CFAP97: variants seen among roughly 807,000 people sequenced by gnomAD.
The protein encoded by CFAP97 is cilia- and flagella-associated protein 97.
A neutral mutation model predicts 43.1 loss-of-function variants in CFAP97; 36 were observed. The ratio of observed to expected loss-of-function variants is 0.84; its 90% CI spans 0.64 to 1.10. CFAP97 has a LOEUF of 1.10. Ranked by LOEUF, CFAP97 falls within the 50% of genes least tolerant of loss-of-function variation. The pLI, the probability that CFAP97 is intolerant of heterozygous loss-of-function variation, is 0.00. For missense variants in CFAP97, 657 were observed against 620.3 expected (o/e 1.06, Z -0.63); for synonymous variants, 228 against 225.7 (o/e 1.01, Z -0.09).
chr4:185,171,134 ATTTG>A (rs1413118180), intron 3 of CFAP97, among the ~76,000 whole-genome samples: 5 of 151,936 alleles, frequency 3.3e-5, no homozygotes, highest in African/African-American at 7.2e-5. Flanking sequence ...TACATTATTT[ATTTG>A]TTTGTTTCAA....
intron 1 of CFAP97, among the ~76,000 whole-genome samples, chr4:185,194,678 C>T (rs1043014357): frequency 1.3e-5 from 2 of 152,302 alleles, no homozygotes; most frequent in Admixed American, 1.3e-4. Flanking sequence ...CAGGTGCATA[C>T]CACTGTGCCC....
chr4:185,183,084 A>C (rs1287656500), intron 2 of CFAP97, among the ~76,000 whole-genome samples: 1 of 151,804 alleles, frequency 6.6e-6, no homozygotes, highest in African/African-American at 2.4e-5. Flanking sequence ...TGGGTGACAG[A>C]GCAAGACTCC....
At chr4:185,207,475 C>T (rs1004888888), upstream of CFAP97, among the ~76,000 whole-genome samples, 17 of 152,230 alleles carry the variant, frequency 1.1e-4, no homozygotes, top group Admixed American at 1.1e-3. Flanking sequence ...ACCTCGGCTT[C>T]CCAAAGTGCT....
Position 185,160,074 on chromosome 4 carries a change from G to A in CFAP97, c.*2724C>T, listed in dbSNP as rs1383554204. On this transcript the variant is annotated 3_prime_UTR_variant, in exon 5 of 5. Transcript: ENST00000458385. ...CTGTGGACACTCAGGTTAGCGGAGA[G>A]AAAACAACTGCATTACACTACATTT... 1 of 147,444 alleles carries A rather than the reference G, an allele frequency of 6.8e-6. No individual in the cohort carries two copies. Among genetic ancestry groups the A allele is most frequent in the Non-Finnish European group, 1.5e-5 (1 of 66,884 alleles). 9.1% of individuals were successfully genotyped at this position (147,444 alleles called of 1,614,324 possible).
intron 1 of CFAP97, among the ~76,000 whole-genome samples, chr4:185,202,692 G>C (rs1736928821): frequency 6.6e-6 from 1 of 151,958 alleles, no homozygotes; most frequent in African/African-American, 2.4e-5. Context: ...CAGTCCCCAA[G>C]AGCTGGAAGC....
chr4:185,166,521 A>G (rs1735079623), intron 3 of CFAP97, among the ~76,000 whole-genome samples: 3 of 152,212 alleles, frequency 2.0e-5, no homozygotes, highest in African/African-American at 7.2e-5. Context: ...TCCTAAGTTT[A>G]TTTATTTGGT....
intron 3 of CFAP97, among the ~76,000 whole-genome samples, chr4:185,167,840 CA>C (rs36073551): frequency 0.46 from 69,425 of 150,236 alleles, 16,004 homozygotes; most frequent in Middle Eastern, 0.56. Flanking sequence ...ACTAAAAATA[CA>C]AAAAAAAATT....
intron 2 of CFAP97, among the ~76,000 whole-genome samples, chr4:185,184,267 T>G (rs1420978547): frequency 6.6e-6 from 1 of 152,196 alleles, no homozygotes; most frequent in Admixed American, 6.5e-5. Context: ...AGAAGCTCTC[T>G]TGGACAAAGT....
chr4:185,166,327 G>A (rs72704007), intron 3 of CFAP97, among the ~76,000 whole-genome samples: 6,067 of 152,156 alleles, frequency 0.04, 197 homozygotes, highest in East Asian at 0.15. Context: ...GGAACTTCCT[G>A]GGGCCACATC....
At chr4:185,164,272 T>TA in intron 3 of CFAP97, 93 bp from the exon 4 acceptor site, 1 of 1,203,818 alleles carries the variant, frequency 8.3e-7, no homozygotes, top group Non-Finnish European at 1.1e-6. Flanking sequence ...TCACTTTCTT[T>TA]CTTTTTTTTT....
At chr4:185,185,657 G>C (rs539887138) in intron 2 of CFAP97, among the ~76,000 whole-genome samples, 1 of 93,674 alleles carries the variant, frequency 1.1e-5, no homozygotes, top group South Asian at 3.5e-4. Context: ...TTTTTTTTGA[G>C]ACAGGGTCTT....
intron 1 of CFAP97, among the ~76,000 whole-genome samples, chr4:185,194,857 T>G (rs1229082788): frequency 6.6e-6 from 1 of 152,226 alleles, no homozygotes. Flanking sequence ...AACCCCATTA[T>G]AGTTCCATTA....
chr4:185,209,937 C>A, upstream of CFAP97: 1 of 983,604 alleles, frequency 1.0e-6, no homozygotes, highest in Non-Finnish European at 1.2e-6. This position sits in a 1 kb window ranked among gnomAD's most constrained non-coding sequence, Gnocchi z 5.2. Context: ...GGCCGGAGTC[C>A]CCGGGGGACG....
At chr4:185,177,976 T>C (rs1302001055) in intron 2 of CFAP97, among the ~76,000 whole-genome samples, 1 of 152,038 alleles carries the variant, frequency 6.6e-6, no homozygotes, top group Non-Finnish European at 1.5e-5. Flanking sequence ...TTACAGAAAA[T>C]TTTAAAAAAT....
chr4:185,194,794 G>A (rs567753186), intron 1 of CFAP97, among the ~76,000 whole-genome samples: 3 of 152,334 alleles, frequency 2.0e-5, no homozygotes, highest in South Asian at 2.1e-4. Flanking sequence ...AGCAAAACTA[G>A]GGGAGAGGAG....
chr4:185,199,960 GTAAGTCAAATT>G (rs1291963687), intron 1 of CFAP97, among the ~76,000 whole-genome samples: 5 of 152,232 alleles, frequency 3.3e-5, no homozygotes, highest in Admixed American at 3.3e-4. Flanking sequence ...GGTTCAAGGA[GTAAGTCAAATT>G]TCAAGTCTTA....
At chr4:185,201,524 C>T (rs1435323694) in intron 1 of CFAP97, among the ~76,000 whole-genome samples, 1 of 152,090 alleles carries the variant, frequency 6.6e-6, no homozygotes, top group African/African-American at 2.4e-5. Context: ...TGAGGCAAGA[C>T]CCTCCACCAG....
intron 1 of CFAP97, among the ~76,000 whole-genome samples, chr4:185,201,324 T>G (rs1296104577): frequency 8.0e-5 from 1 of 12,564 alleles, no homozygotes; most frequent in East Asian, 1.2e-3. Context: ...AGACTCCGCC[T>G]CAAAAAAAAA....
At chr4:185,187,475 C>T (rs942907306) in intron 2 of CFAP97, among the ~76,000 whole-genome samples, 2 of 151,828 alleles carry the variant, frequency 1.3e-5, no homozygotes, top group Non-Finnish European at 2.9e-5. Flanking sequence ...CACAGAGAGG[C>T]ATGGGGAGTG....
Sources: allele counts gnomAD v4.1 joint callset (sites outside exome capture counted in the v4.1 genomes callset), GRCh38; gene constraint gnomAD v4.1.1; non-coding constraint Gnocchi (gnomAD v3.1); transcripts MANE v1.5; gene names NCBI Gene and HGNC (gene_info 2026-07-23, HGNC 2026-07-21).